BEND7: variants seen among roughly 807,000 people sequenced by gnomAD.
The protein encoded by BEND7 is BEN domain-containing protein 7.
In BEND7, 28 loss-of-function variants were observed where a neutral mutation model predicts 50.9. The ratio of observed to expected loss-of-function variants is 0.55; its 90% CI spans 0.41 to 0.75. The LOEUF (loss-of-function observed/expected upper bound fraction) is 0.75. Ranked by LOEUF, BEND7 falls within the 30% of genes least tolerant of loss-of-function variation. The pLI, the probability that BEND7 is intolerant of heterozygous loss-of-function variation, is 0.00. For synonymous variants in BEND7, 170 were observed against 183.9 expected (o/e 0.92, Z 0.61); for missense variants, 477 against 491.3 (o/e 0.97, Z 0.28).
At chr10:13,457,669 G>T (rs1209427352) in intron 6 of BEND7, among the ~76,000 whole-genome samples, 2 of 152,204 alleles carry the variant, frequency 1.3e-5, no homozygotes, top group Non-Finnish European at 2.9e-5. Flanking sequence ...AAGGCCAAAA[G>T]ACTGTCATTG....
intron 1 of BEND7, 57 bp from the exon 2 acceptor site, chr10:13,526,278 G>A (rs2079458004): frequency 2.3e-6 from 2 of 862,940 alleles, no homozygotes; most frequent in East Asian, 1.3e-4. Context: ...ATAGGAATAA[G>A]CAGTCAAGTC....
rs866842227 is a variant in BEND7 at position 13,494,315 on chromosome 10, G to A, written c.572-1439C>T. Among the ~76,000 whole-genome samples the A allele has an allele frequency of 3.3e-5, 5 of 152,332 alleles. 1 individual carries two copies. Among genetic ancestry groups the A allele is most frequent in the Middle Eastern group, 3.4e-3 (1 of 294 alleles). Reference sequence around the variant, plus strand: ...ACCTGTAGTCCCAGCTACTTGAGAGGCTGAGGCAGGAGAATCACTTGAACC... The same window carrying A: ...ACCTGTAGTCCCAGCTACTTGAGAGACTGAGGCAGGAGAATCACTTGAACC... On this transcript the variant is annotated intron_variant, in intron 4 of 8. Transcript: ENST00000466271.
At chr10:13,527,845 T>A (rs772480302) in intron 1 of BEND7, 3 of 984,132 alleles carry the variant, frequency 3.0e-6, no homozygotes, top group Non-Finnish European at 3.6e-6. Context: ...GGTGTACACC[T>A]GTTAATTCGT....
chr10:13,471,042 A>G (rs550046483), intron 6 of BEND7, among the ~76,000 whole-genome samples: 1 of 152,344 alleles, frequency 6.6e-6, no homozygotes, highest in East Asian at 1.9e-4. Context: ...TTCAAGGCCT[A>G]GTTCAGATGT....
chr10:13,461,611 T>C (rs1840226061), intron 6 of BEND7, among the ~76,000 whole-genome samples: 1 of 152,032 alleles, frequency 6.6e-6, no homozygotes, highest in Non-Finnish European at 1.5e-5. Context: ...TGCACACCTG[T>C]AATCTCAGCT....
chr10:13,491,311 T>TAAAA (rs757106538), intron 5 of BEND7, among the ~76,000 whole-genome samples: 1 of 97,400 alleles, frequency 1.0e-5, no homozygotes. Flanking sequence ...AGACTCTGTC[T>TAAAA]AAAAAAAAAA....
chr10:13,519,791 A>T (rs1470149992), intron 2 of BEND7, among the ~76,000 whole-genome samples: 2 of 152,224 alleles, frequency 1.3e-5, no homozygotes, highest in East Asian at 3.8e-4. Flanking sequence ...TAATATTTGA[A>T]TTGAGCTTTA....
chr10:13,506,455 T>C (rs999021227), intron 2 of BEND7, among the ~76,000 whole-genome samples: 15 of 152,120 alleles, frequency 9.9e-5, no homozygotes, highest in African/African-American at 3.4e-4. Context: ...TTAAGATTCA[T>C]AGGAGATGAG....
At chr10:13,527,589 G>C (rs1009495463) in intron 1 of BEND7, among the ~76,000 whole-genome samples, 1 of 152,138 alleles carries the variant, frequency 6.6e-6, no homozygotes, top group African/African-American at 2.4e-5. Flanking sequence ...ATTAAAAGAC[G>C]ACATTTAAAC....
intron 6 of BEND7, among the ~76,000 whole-genome samples, chr10:13,470,180 A>G (rs2074670364): frequency 6.6e-6 from 1 of 152,256 alleles, no homozygotes; most frequent in African/African-American, 2.4e-5. Context: ...TGGACCACGC[A>G]GAAAACACTG....
intron 6 of BEND7, among the ~76,000 whole-genome samples, chr10:13,461,689 T>C (rs1019160525): frequency 1.7e-4 from 26 of 151,380 alleles, no homozygotes; most frequent in African/African-American, 6.1e-4. Flanking sequence ...GCCAAGATGG[T>C]GCCACTGTAC....
intron 6 of BEND7, among the ~76,000 whole-genome samples, chr10:13,465,474 C>G (rs2074141377): frequency 1.3e-5 from 2 of 152,142 alleles, no homozygotes; most frequent in African/African-American, 4.8e-5. Context: ...GCCGTGAGGA[C>G]CATCTCATCT....
At chr10:13,527,425 C>T (rs183416130) in intron 1 of BEND7, among the ~76,000 whole-genome samples, 51 of 152,288 alleles carry the variant, frequency 3.3e-4, no homozygotes, top group Non-Finnish European at 6.3e-4. Flanking sequence ...TTGAAAAATT[C>T]GATTACTTGC....
At chr10:13,462,470 T>C (rs1840413084) in intron 6 of BEND7, among the ~76,000 whole-genome samples, 1 of 152,172 alleles carries the variant, frequency 6.6e-6, no homozygotes, top group Non-Finnish European at 1.5e-5. Flanking sequence ...CTGCCCTTGA[T>C]ATGTGGGGAT....
In BEND7 at chr10:13,486,612, A is replaced by G. The variant is rs771286921; in HGVS notation, c.838-5488T>C. Among the ~76,000 whole-genome samples, 11 of 152,258 alleles carry G rather than the reference A, an allele frequency of 7.2e-5. 1 individual carries two copies. Among genetic ancestry groups the G allele is most frequent in the Non-Finnish European group, 1.5e-4 (10 of 68,048 alleles). Reference sequence around the variant, plus strand: ...GTAGGTGCAATTTACACGATAGCCTATAGTGAATGTTGAATGGGATAAAAA... The same window carrying G: ...GTAGGTGCAATTTACACGATAGCCTGTAGTGAATGTTGAATGGGATAAAAA... On this transcript the variant is annotated intron_variant, in intron 5 of 8. Coordinates refer to ENST00000466271, the MANE Select transcript of BEND7 (RefSeq NM_001369863.1).
At chr10:13,506,643 T>A (rs1345466399) in intron 2 of BEND7, among the ~76,000 whole-genome samples, 3 of 152,200 alleles carry the variant, frequency 2.0e-5, no homozygotes, top group Non-Finnish European at 4.4e-5. Flanking sequence ...AAAACAATTC[T>A]GGCAAAATTA....
intron 2 of BEND7, among the ~76,000 whole-genome samples, chr10:13,501,947 AACAG>A (rs1258350094): frequency 3.3e-5 from 5 of 152,210 alleles, no homozygotes; most frequent in Admixed American, 1.3e-4. Flanking sequence ...AGAAAAGGCT[AACAG>A]ACAGCATCTG....
chr10:13,453,840 A>T (rs934119786), intron 6 of BEND7, among the ~76,000 whole-genome samples: 1 of 152,232 alleles, frequency 6.6e-6, no homozygotes, highest in African/African-American at 2.4e-5. Context: ...CCCTTTTGAG[A>T]AATAAGAGTA....
intron 6 of BEND7, among the ~76,000 whole-genome samples, chr10:13,458,852 C>T (rs1839595071): frequency 1.3e-5 from 2 of 152,118 alleles, no homozygotes; most frequent in South Asian, 4.2e-4. Flanking sequence ...ACCAGGGTCC[C>T]TCCCACTCTC....
Sources: allele counts gnomAD v4.1 joint callset (sites outside exome capture counted in the v4.1 genomes callset), GRCh38; gene constraint gnomAD v4.1.1; transcripts MANE v1.5; gene names NCBI Gene and HGNC (gene_info 2026-07-23, HGNC 2026-07-21).